The following ACTR3 variants were observed in gnomAD, a reference collection of about 807,000 sequenced individuals.
ACTR3 encodes the protein actin-related protein 3.
Under a neutral mutation model 56.8 loss-of-function variants are expected in ACTR3, and 12 were observed. That is an observed-to-expected ratio of 0.21 (90% CI 0.14 to 0.34). The LOEUF (loss-of-function observed/expected upper bound fraction) is 0.34. Ranked by LOEUF, ACTR3 falls within the 10% of genes least tolerant of loss-of-function variation. The probability of loss-of-function intolerance (pLI) is 1.00; values close to 1 mark genes in which losing one functional copy is unlikely to be tolerated. For missense variants in ACTR3, 282 were observed against 512.5 expected (o/e 0.55, Z 4.34); for synonymous variants, 162 against 167.4 (o/e 0.97, Z 0.25).
intron 5 of ACTR3, among the ~76,000 whole-genome samples, chr2:113,932,620 A>T (rs1679743516): frequency 6.6e-6 from 1 of 152,160 alleles, no homozygotes; most frequent in Admixed American, 6.5e-5. Context: ...TGATGTGCTG[A>T]TACATATCTA....
Position 113,895,808 on chromosome 2 carries a change from C to T in ACTR3, c.44+5485C>T, listed in dbSNP as rs553118764. On this transcript the variant is annotated intron_variant, in intron 1 of 11. Coordinates refer to ENST00000263238, the MANE Select transcript of ACTR3 (RefSeq NM_005721.5). The stretch of plus-strand genomic sequence containing the variant: ...ATGACTTTATACACTTCAACCTCTG[C>T]AGGTCTTATTTCTTCCCATCTGTAA... Among the ~76,000 whole-genome samples the T allele has an allele frequency of 1.2e-4, 18 of 152,308 alleles. No homozygotes were observed. The South Asian group carries it at 3.1e-3, about 26-fold the overall frequency.
intron 3 of ACTR3, among the ~76,000 whole-genome samples, chr2:113,926,363 A>G (rs1679619848): frequency 6.6e-6 from 1 of 152,256 alleles, no homozygotes; most frequent in South Asian, 2.1e-4. Flanking sequence ...ATTTCCCTGG[A>G]AAATTTAAAA....
intron 1 of ACTR3, among the ~76,000 whole-genome samples, chr2:113,895,622 C>T (rs1273381808): frequency 2.6e-5 from 4 of 152,126 alleles, no homozygotes; most frequent in Admixed American, 6.5e-5. Context: ...CTGGTATTGG[C>T]GGTGGAGTTG....
At chr2:113,904,513 T>G (rs1679158161) in intron 1 of ACTR3, 1 of 152,238 alleles carries the variant, frequency 6.6e-6, no homozygotes, top group Non-Finnish European at 1.5e-5. Flanking sequence ...AACATTTGTT[T>G]TTCTTCCAGT....
At chr2:113,939,133 C>G (rs1014522101) in intron 6 of ACTR3, among the ~76,000 whole-genome samples, 4 of 151,764 alleles carry the variant, frequency 2.6e-5, no homozygotes, top group African/African-American at 9.7e-5. Flanking sequence ...ACGCCATTCT[C>G]CTGCCTCAGC....
At chr2:113,893,133 CCTGCTATT>C (rs1678938277) in intron 1 of ACTR3, among the ~76,000 whole-genome samples, 2 of 151,960 alleles carry the variant, frequency 1.3e-5, no homozygotes, top group Non-Finnish European at 2.9e-5. Flanking sequence ...AGAACTCAAA[CCTGCTATT>C]AGTGGTGAGA....
At chr2:113,948,566 A>G (rs1405962589) in intron 8 of ACTR3, among the ~76,000 whole-genome samples, 2 of 152,122 alleles carry the variant, frequency 1.3e-5, no homozygotes. Context: ...CATTTGTTAC[A>G]TTATAATTTC....
intron 6 of ACTR3, among the ~76,000 whole-genome samples, chr2:113,936,396 TTTA>T (rs921835259): frequency 6.6e-5 from 10 of 152,162 alleles, no homozygotes; most frequent in Admixed American, 2.6e-4. Flanking sequence ...TAGAGTATTT[TTTA>T]TTATTCTGTT....
chr2:113,962,146 A>G lies in ACTR3; in HGVS notation c.*4691A>G, dbSNP rs1029999469. The G allele has an allele frequency of 2.0e-5, 3 of 151,972 alleles. No individual in the cohort carries two copies. The highest frequency in any genetic ancestry group is 4.4e-5 in the Non-Finnish European group (3 of 67,886). The allele number at this position is 151,972 out of a possible 1,614,324, so 9.4% of individuals were successfully genotyped here. On this transcript the variant is annotated 3_prime_UTR_variant, in exon 12 of 12. Coordinates refer to ENST00000263238, the MANE Select transcript of ACTR3 (RefSeq NM_005721.5). ...ATTTGTCAAATATGACCGAATTACGACTTTTTTTCTGTTCCACTAGTTTCT... is the reference window on the plus strand; with the variant it reads ...ATTTGTCAAATATGACCGAATTACGGCTTTTTTTCTGTTCCACTAGTTTCT...
intron 1 of ACTR3, among the ~76,000 whole-genome samples, chr2:113,900,481 A>G (rs1336191861): frequency 1.3e-5 from 2 of 152,230 alleles, no homozygotes; most frequent in East Asian, 3.8e-4. Flanking sequence ...GGGACTGGGA[A>G]AACGTTGAGA....
chr2:113,929,121 G>A (rs1258354914), intron 4 of ACTR3, among the ~76,000 whole-genome samples: 1 of 146,986 alleles, frequency 6.8e-6, no homozygotes, highest in Non-Finnish European at 1.5e-5. Flanking sequence ...GAATACCTGG[G>A]CTATTTTTGT....
At chr2:113,915,162 C>T (rs896693279) in intron 2 of ACTR3, among the ~76,000 whole-genome samples, 2 of 152,208 alleles carry the variant, frequency 1.3e-5, no homozygotes, top group African/African-American at 4.8e-5. Context: ...GTACGTAACA[C>T]AGTACCAAAA....
At chr2:113,937,384 G>T (rs1412408184) in intron 6 of ACTR3, among the ~76,000 whole-genome samples, 2 of 152,140 alleles carry the variant, frequency 1.3e-5, no homozygotes, top group African/African-American at 4.8e-5. Context: ...GGGATTACAG[G>T]CATGAGCCAC....
chr2:113,948,141 A>C (rs995240583), intron 8 of ACTR3, among the ~76,000 whole-genome samples: 2 of 152,038 alleles, frequency 1.3e-5, no homozygotes, highest in East Asian at 3.9e-4. Context: ...TGCAACTTCA[A>C]ATTTTTTTTC....
intron 5 of ACTR3, among the ~76,000 whole-genome samples, chr2:113,932,444 A>G (rs1157927912): frequency 6.6e-6 from 1 of 152,166 alleles, no homozygotes; most frequent in East Asian, 1.9e-4. Context: ...ATTGTCAGGT[A>G]AAGCTTACTT....
rs1474392665 is a variant in ACTR3, at chr2:113,957,423, C to T, written c.1225C>T (p.Arg409Cys). Residue 409 changes from arginine to cysteine, a missense_variant, in exon 12 of 12, where the codon CGT (arginine) becomes TGT (cysteine). Physicochemically the swap from Arg to Cys is radical, Grantham distance 180. Transcript: ENST00000263238. The part of the protein sequence containing the change: ...DYEEIGPSIC[R>C]HNPVFGVMS ...TGAAGAAATTGGACCTAGCATTTGT[C>T]GTCACAATCCAGTGTTTGGAGTCAT... The T allele has an allele frequency of 3.7e-6, 6 of 1,613,132 alleles. No homozygotes were observed. The highest frequency in any genetic ancestry group is 5.1e-6 in the Non-Finnish European group (6 of 1,179,486).
At chr2:113,900,125 G>C (rs1245716505) in intron 1 of ACTR3, among the ~76,000 whole-genome samples, 2 of 152,020 alleles carry the variant, frequency 1.3e-5, no homozygotes, top group Non-Finnish European at 2.9e-5. Context: ...CTCTTTTAAA[G>C]TGTGTAATTG....
At position 113,904,961 on chromosome 2, in the gene ACTR3, CT is replaced by C. The variant is rs1363098310; in HGVS notation, c.45-8210del. ...TATATGTTAAAGAGATTATATCTGT[CT>C]AGATAATTTGTGTAGATAATTTTTC... On this transcript the variant is annotated intron_variant, in intron 1 of 11. Coordinates refer to ENST00000263238, the MANE Select transcript of ACTR3 (RefSeq NM_005721.5). 3 of 152,096 alleles carry C rather than the reference CT, an allele frequency of 2.0e-5. No individual in the cohort carries two copies. In the East Asian group the frequency reaches 5.8e-4, roughly 29 times the overall value. The allele number at this position is 152,096 out of a possible 1,614,324, so 9.4% of individuals were successfully genotyped here. A position where few individuals can be genotyped will look rare whatever the true frequency, so the allele number is the denominator to read the frequency against.
chr2:113,916,433 C>T (rs1236762580), intron 2 of ACTR3, among the ~76,000 whole-genome samples: 1 of 152,108 alleles, frequency 6.6e-6, no homozygotes, highest in Non-Finnish European at 1.5e-5. Flanking sequence ...TTACTAGACC[C>T]AATCACTATT....
Sources: gnomAD v4.1 joint callset for allele counts (sites outside exome capture counted in the v4.1 genomes callset) on GRCh38, gnomAD v4.1.1 for gene constraint, MANE v1.5 for transcripts, NCBI Gene and HGNC (gene_info 2026-07-23, HGNC 2026-07-21) for gene names.